The following DNM1 variants were observed in gnomAD, a reference collection of about 807,000 sequenced individuals.
DNM1 encodes dynamin 1.
In DNM1, 29 loss-of-function variants were observed where a neutral mutation model predicts 104.6. That is an observed-to-expected ratio of 0.28 (90% CI 0.21 to 0.38). DNM1 has a LOEUF of 0.38. Ranked by LOEUF, DNM1 falls within the 10% of genes least tolerant of loss-of-function variation. The probability of loss-of-function intolerance (pLI) is 1.00; values close to 1 mark genes in which losing one functional copy is unlikely to be tolerated. For missense variants in DNM1, 640 were observed against 1,189.4 expected (o/e 0.54, Z 6.79); for synonymous variants, 445 against 475.8 (o/e 0.94, Z 0.84).
chr9:128,233,773 G>A, intron 10 of DNM1: 1 of 556,794 alleles, frequency 1.8e-6, no homozygotes, highest in Admixed American at 3.3e-5. Context: ...GCCCAGGTAG[G>A]CCAGTGAAGA....
intron 1 of DNM1, among the ~76,000 whole-genome samples, chr9:128,206,056 CTG>C (rs1251414770): frequency 6.6e-6 from 1 of 152,186 alleles, no homozygotes; most frequent in African/African-American, 2.4e-5. Context: ...GCCAGGGAAA[CTG>C]AGGCTCAGTG....
At position 128,220,471 on chromosome 9, in the gene DNM1, A is replaced by G. The variant is rs1834873757; in HGVS notation, c.849+130A>G. ...AGATAGACAAACTGAGCCTCAGAAA[A>G]GCAAAGCAACTTGCCCACAGCCCCA... On this transcript the variant is annotated intron_variant, in intron 6 of 21. Transcript: ENST00000372923. This position sits in a 1 kb window ranked among gnomAD's most constrained non-coding sequence, Gnocchi z 5.2. 1.4e-5 allele frequency: 18 copies of G among 1,243,864 alleles called. No homozygotes were observed. Among genetic ancestry groups the G allele is most frequent in the Non-Finnish European group, 1.8e-5 (16 of 905,422 alleles). 77.1% of individuals were successfully genotyped at this position (1,243,864 alleles called of 1,614,324 possible).
rs182137771 is a variant in DNM1, at chr9:128,244,860, G to C, written c.1672-1534G>C. ...TCCAGGCAGCAGTGTCTGTCCATCC[G>C]GTGGGCGCTTCAGCCCCATCCCCTG... On this transcript the variant is annotated intron_variant, in intron 15 of 21. Coordinates refer to ENST00000372923, the MANE Select transcript of DNM1 (RefSeq NM_004408.4). The C allele has an allele frequency of 8.6e-4, 443 of 512,524 alleles. 6 individuals are homozygous for C. In the East Asian group the frequency reaches 0.022, roughly 26 times the overall value. 31.7% of individuals were successfully genotyped at this position (512,524 alleles called of 1,614,324 possible).
In DNM1 at chr9:128,218,907, T is replaced by C; in HGVS notation, c.386-142T>C. The stretch of plus-strand genomic sequence containing the variant: ...ACTTCCGGCCACGCCTCCAACAGAC[T>C]GCCACTTTCGCCCTGAGATTTCCTA... On this transcript the variant is annotated intron_variant, in intron 3 of 21. Transcript: ENST00000372923. This position sits in a 1 kb window ranked among gnomAD's most constrained non-coding sequence, Gnocchi z 4.8. 7.8e-7 allele frequency: 1 copy of C among 1,283,024 alleles called. No homozygotes were observed. The highest frequency in any genetic ancestry group is 2.5e-5 in the East Asian group (1 of 39,464). The allele number at this position is 1,283,024 out of a possible 1,614,324, so 79.5% of individuals were successfully genotyped here. A position where few individuals can be genotyped will look rare whatever the true frequency, so the allele number is the denominator to read the frequency against.
intron 1 of DNM1, chr9:128,204,691 G>C (rs551093602): frequency 6.6e-6 from 1 of 152,340 alleles, no homozygotes; most frequent in African/African-American, 2.4e-5. Context: ...GGCAGACTGG[G>C]GGATGAAGTG....
rs1836419302 is a variant in DNM1 at position 128,242,348 on chromosome 9, G to A, written c.1671+3G>A. The A allele has an allele frequency of 4.5e-6, 7 of 1,543,618 alleles. No homozygotes were observed. Among genetic ancestry groups the A allele is most frequent in the Non-Finnish European group, 6.3e-6 (7 of 1,115,798 alleles). The stretch of plus-strand genomic sequence containing the variant: ...TGTCCTGGTACAAGGATGATGAGGT[G>A]AGTCAAGGGCCAGTGGTCATCAAGG... On this transcript the variant is annotated splice_donor_region_variant and intron_variant, in intron 15 of 21. Coordinates refer to ENST00000372923, the MANE Select transcript of DNM1 (RefSeq NM_004408.4).
chr9:128,244,693 T>C (rs774379099), intron 15 of DNM1: 1 of 516,070 alleles, frequency 1.9e-6, no homozygotes, highest in Non-Finnish European at 4.0e-6. Context: ...CAGGCAGGGG[T>C]CGGTCCAGCT....
At position 128,240,270 on chromosome 9, in the gene DNM1, T is replaced by C. The variant is rs549707832; in HGVS notation, c.1557+274T>C. On this transcript the variant is annotated intron_variant, in intron 14 of 21. Transcript: ENST00000372923. This position sits in a 1 kb window ranked among gnomAD's most constrained non-coding sequence, Gnocchi z 5.1. ...GCTGGGCCTGGCACGGAGTAGGTGC[T>C]CCTTAAACATCTGCTGGATGGAGGG... 6.6e-6 allele frequency among the ~76,000 whole-genome samples: 1 copy of C among 152,226 alleles called. No homozygotes were observed. Among genetic ancestry groups the C allele is most frequent in the South Asian group, 2.1e-4 (1 of 4,824 alleles).
intron 21 of DNM1, chr9:128,251,762 C>T (rs1659591944): frequency 6.5e-6 from 1 of 152,794 alleles, no homozygotes; most frequent in Non-Finnish European, 1.5e-5. Context: ...CTTTCTACTA[C>T]ATCCTTTGGC....
chr9:128,222,964 G>A lies in DNM1; in HGVS notation c.1196+104G>A, dbSNP rs1403880765. The A allele has an allele frequency of 8.7e-7, 1 of 1,153,344 alleles. No homozygotes were observed. The highest frequency in any genetic ancestry group is 1.8e-5 in the Admixed American group (1 of 54,924). 71.4% of individuals were successfully genotyped at this position (1,153,344 alleles called of 1,614,324 possible). On this transcript the variant is annotated intron_variant, in intron 9 of 21. Coordinates refer to ENST00000372923, the MANE Select transcript of DNM1 (RefSeq NM_004408.4). This position sits in a 1 kb window ranked among gnomAD's most constrained non-coding sequence, Gnocchi z 7.8. ...GGGCCTCCCTCAGGAAGGACTGAAA[G>A]CTCTGTTCCCCAGTCCTCTCGACCC...
Position 128,245,520 on chromosome 9 carries a change from CAT to C in DNM1, c.1672-873_1672-872del, listed in dbSNP as rs1364396177. Among the ~76,000 whole-genome samples the C allele has an allele frequency of 5.3e-5, 8 of 152,144 alleles. No homozygotes were observed. The highest frequency in any genetic ancestry group is 4.6e-4 in the Admixed American group (7 of 15,276). On this transcript the variant is annotated intron_variant, in intron 15 of 21. Coordinates refer to ENST00000372923, the MANE Select transcript of DNM1 (RefSeq NM_004408.4). This position sits in a 1 kb window ranked among gnomAD's most constrained non-coding sequence, Gnocchi z 5.2. The stretch of plus-strand genomic sequence containing the variant: ...CCTGGGACACAGCAGCCTACATACA[CAT>C]GTGCCCACACCGAGCACACACATGG...
At chr9:128,242,915 C>T (rs1836469006) in intron 15 of DNM1, among the ~76,000 whole-genome samples, 1 of 151,816 alleles carries the variant, frequency 6.6e-6, no homozygotes, top group Non-Finnish European at 1.5e-5. Context: ...GGAGGGTGGG[C>T]AGGGGACTTG....
Position 128,242,255 on chromosome 9 carries a change from T to C in DNM1, c.1581T>C (p.Thr527=). ...AGGTCATCCGCAAGGGCTGGCTGAC[T>C]ATCAATAATATTGGCATCATGAAAG... ...EILVIRKGWL[T]INNIGIMKGG... The change falls in exon 15 of 22, where the codon ACT becomes ACC. Residue 527 remains threonine (T), a synonymous_variant. Transcript: ENST00000372923. The C allele has an allele frequency of 6.2e-7, 1 of 1,611,986 alleles. No homozygotes were observed. Among genetic ancestry groups the C allele is most frequent in the East Asian group, 2.2e-5 (1 of 44,862 alleles).
chr9:128,240,447 C>T lies in DNM1; in HGVS notation c.1557+451C>T, dbSNP rs565914395. 93 of 174,580 alleles carry T rather than the reference C, an allele frequency of 5.3e-4. No individual in the cohort carries two copies. The highest frequency in any genetic ancestry group is 8.2e-4 in the Non-Finnish European group (68 of 82,726). The allele number at this position is 174,580 out of a possible 1,614,324, so 10.8% of individuals were successfully genotyped here. Reference sequence around the variant, plus strand: ...CTTAGATGTCTGCGGAAACATCCCTCGTCAGAAGCGCTTGCTCAGTTGTAC... The same window carrying T: ...CTTAGATGTCTGCGGAAACATCCCTTGTCAGAAGCGCTTGCTCAGTTGTAC... On this transcript the variant is annotated intron_variant, in intron 14 of 21. Coordinates refer to ENST00000372923, the MANE Select transcript of DNM1 (RefSeq NM_004408.4). This position sits in a 1 kb window ranked among gnomAD's most constrained non-coding sequence, Gnocchi z 5.1.
At position 128,218,660 on chromosome 9, in the gene DNM1, C is replaced by T. The variant is rs1316414825; in HGVS notation, c.314C>T (p.Thr105Ile). 1 of 1,613,388 alleles carries T rather than the reference C, an allele frequency of 6.2e-7. No individual in the cohort carries two copies. Reference sequence around the variant, plus strand: ...GTGCGCCTTGAGATCGAGGCCGAGACCGACAGGGTCACCGGCACCAACAAG... The same window carrying T: ...GTGCGCCTTGAGATCGAGGCCGAGATCGACAGGGTCACCGGCACCAACAAG... ...EEVRLEIEAE[T>I]DRVTGTNKGI... Residue 105 changes from threonine (T) to isoleucine (I), a missense_variant, in exon 3 of 22, where the codon ACC (threonine) becomes ATC (isoleucine). By Grantham distance (89) the Thr-to-Ile change is moderately conservative (BLOSUM62 -1). This residue lies in a region of DNM1 where 172 missense variants were observed against 335.3 expected (regional missense o/e 0.51). Transcript: ENST00000372923. This position sits in a 1 kb window ranked among gnomAD's most constrained non-coding sequence, Gnocchi z 4.8.
chr9:128,253,292 C>T lies in DNM1; in HGVS notation c.2535-1362C>T, dbSNP rs1396309250. On this transcript the variant is annotated intron_variant, in intron 21 of 21. Transcript: ENST00000372923. The surrounding 1 kb of genome is among the most constrained non-coding windows in gnomAD (Gnocchi z 5.9). ...CTCTTTCCTCTTTCTGTCCTTGTGC[C>T]GCTGGCTCTCTCACCTCCCTTCCCT... The T allele has an allele frequency of 1.0e-5, 7 of 698,094 alleles. No homozygotes were observed. The highest frequency in any genetic ancestry group is 1.8e-5 in the African/African-American group (1 of 56,578). The allele number at this position is 698,094 out of a possible 1,614,324, so 43.2% of individuals were successfully genotyped here.
At position 128,243,865 on chromosome 9, in the gene DNM1, G is replaced by A. The variant is rs115019060; in HGVS notation, c.1671+1520G>A. On this transcript the variant is annotated intron_variant, in intron 15 of 21. Coordinates refer to ENST00000372923, the MANE Select transcript of DNM1 (RefSeq NM_004408.4). The surrounding 1 kb of genome is among the most constrained non-coding windows in gnomAD (Gnocchi z 4.0). The stretch of plus-strand genomic sequence containing the variant: ...TGTACATCTGAGTTAAGTCGTGTGC[G>A]AAAACAGCTCTGAGAATCATATGTG... Among the ~76,000 whole-genome samples the A allele has an allele frequency of 9.8e-3, 1,495 of 152,194 alleles. 28 individuals are homozygous for A. The highest frequency in any genetic ancestry group is 0.034 in the African/African-American group (1,408 of 41,498).
At position 128,248,012 on chromosome 9, in the gene DNM1, G is replaced by A. The variant is rs903285803; in HGVS notation, c.1905+77G>A. On this transcript the variant is annotated intron_variant, in intron 18 of 21. Transcript: ENST00000372923. This position sits in a 1 kb window ranked among gnomAD's most constrained non-coding sequence, Gnocchi z 5.6. ...GCTCCAGCCAGGTTTTCAAGCAAGGGACCTGGAGATGTTCTTTTCTAATTT... is the reference window on the plus strand; with the variant it reads ...GCTCCAGCCAGGTTTTCAAGCAAGGAACCTGGAGATGTTCTTTTCTAATTT... 11 of 1,583,068 alleles carry A rather than the reference G, an allele frequency of 6.9e-6. No homozygotes were observed. The highest frequency in any genetic ancestry group is 9.5e-6 in the Non-Finnish European group (11 of 1,152,180).
At chr9:128,208,506 G>A (rs12348990) in intron 1 of DNM1, among the ~76,000 whole-genome samples, 10,237 of 152,220 alleles carry the variant, frequency 0.067, 620 homozygotes, top group East Asian at 0.35. Context: ...ACACCAGGAT[G>A]CATCATAGTG....
Sources: gnomAD v4.1 joint callset for allele counts (sites outside exome capture counted in the v4.1 genomes callset) on GRCh38, gnomAD v4.1.1 for gene constraint, gnomAD v4.1.1 regional missense constraint, Gnocchi (gnomAD v3.1) non-coding constraint, MANE v1.5 for transcripts, NCBI Gene and HGNC (gene_info 2026-07-23, HGNC 2026-07-21) for gene names.